The following PTPRG variants were observed in gnomAD, a reference collection of about 807,000 sequenced individuals.
PTPRG encodes receptor-type tyrosine-protein phosphatase gamma.
PTPRG carries 102 observed loss-of-function variants against 165.3 expected under a neutral mutation model. The ratio of observed to expected loss-of-function variants is 0.62; its 90% CI spans 0.53 to 0.73. The LOEUF is 0.73. PTPRG is among the 30% of genes least tolerant of loss of function. The pLI is 0.00. For missense variants in PTPRG, 1,866 were observed against 1,861.4 expected (o/e 1.00, Z -0.05); for synonymous variants, 675 against 669.5 (o/e 1.01, Z -0.13).
intron 15 of PTPRG, among the ~76,000 whole-genome samples, chr3:62,250,519 C>T (rs1293810703): frequency 1.3e-5 from 2 of 152,136 alleles, no homozygotes; most frequent in African/African-American, 4.8e-5. Flanking sequence ...GGCAAGAAAG[C>T]TGTTTCTCTT....
intron 2 of PTPRG, among the ~76,000 whole-genome samples, chr3:61,838,131 A>T (rs1487634786): frequency 6.6e-6 from 1 of 152,182 alleles, no homozygotes; most frequent in Non-Finnish European, 1.5e-5. Flanking sequence ...GAGATTTCAG[A>T]TGGTGAATGG....
intron 2 of PTPRG, among the ~76,000 whole-genome samples, chr3:61,881,955 A>AAC: frequency 6.6e-6 from 1 of 152,208 alleles, no homozygotes; most frequent in East Asian, 1.9e-4. Flanking sequence ...TCATGTATAT[A>AAC]ACTAGACCCG....
rs1053500110 is a variant in PTPRG, at chr3:61,972,746, G to A, written c.191-16879G>A. On this transcript the variant is annotated intron_variant, in intron 2 of 29. Transcript: ENST00000474889. Reference sequence around the variant, plus strand: ...TGGCTTACTGCAGCCTTGATCTCCCGGGCTCAAGTGATACTCACACCTTAG... The same window carrying A: ...TGGCTTACTGCAGCCTTGATCTCCCAGGCTCAAGTGATACTCACACCTTAG... Among the ~76,000 whole-genome samples the A allele has an allele frequency of 8.0e-5, 12 of 150,494 alleles. No homozygotes were observed. In the South Asian group the frequency reaches 1.3e-3, roughly 16 times the overall value.
intron 1 of PTPRG, among the ~76,000 whole-genome samples, chr3:61,678,630 C>T (rs887689048): frequency 6.6e-6 from 1 of 152,124 alleles, no homozygotes; most frequent in Non-Finnish European, 1.5e-5. Context: ...GAGAGATCAA[C>T]GTGAATTTCC....
rs2040835428 is a variant in PTPRG at position 61,989,610 on chromosome 3, G to T, written c.191-15G>T. On this transcript the variant is annotated splice_polypyrimidine_tract_variant and intron_variant, in intron 2 of 29. Transcript: ENST00000474889. ...CTTGAACCATGAGGATTGAAGTGTT[G>T]TCTTCTTTCAACAGGTGCCTATGGT... is the stretch of plus-strand genomic sequence containing the variant. 3.1e-6 allele frequency: 5 copies of T among 1,609,826 alleles called. No individual in the cohort carries two copies. The Middle Eastern group carries it at 5.0e-4, about 160-fold the overall frequency.
chr3:61,963,084 T>C (rs1393008091), intron 2 of PTPRG, among the ~76,000 whole-genome samples: 2 of 152,312 alleles, frequency 1.3e-5, no homozygotes, highest in East Asian at 1.9e-4. Context: ...AGGGTTTCTT[T>C]ATGCAAATAT....
At chr3:61,927,808 C>T (rs977799631) in intron 2 of PTPRG, among the ~76,000 whole-genome samples, 16 of 152,130 alleles carry the variant, frequency 1.1e-4, no homozygotes, top group Non-Finnish European at 1.5e-5. Flanking sequence ...CTTCTTTATG[C>T]AGCAGTCATT....
chr3:61,870,334 G>A (rs1422211300), intron 2 of PTPRG, among the ~76,000 whole-genome samples: 1 of 122,426 alleles, frequency 8.2e-6, no homozygotes, highest in East Asian at 2.1e-4. Flanking sequence ...TTTTTTTTTG[G>A]AGACGGAGTC....
In PTPRG at chr3:61,595,559, A is replaced by C. The variant is rs534459884; in HGVS notation, c.85+33187A>C. On this transcript the variant is annotated intron_variant, in intron 1 of 29. Transcript: ENST00000474889. ...TAGAGAATTTCATTTTGGTAACTTT[A>C]GTAGTTTGGCCCTAGGCCTTGACCC... Among the ~76,000 whole-genome samples the C allele has an allele frequency of 7.2e-5, 11 of 152,314 alleles. No homozygotes were observed. The South Asian group carries it at 2.3e-3, about 32-fold the overall frequency.
At chr3:61,681,872 G>A (rs1418125734) in intron 1 of PTPRG, among the ~76,000 whole-genome samples, 4 of 152,054 alleles carry the variant, frequency 2.6e-5, no homozygotes, top group East Asian at 3.8e-4. Flanking sequence ...ACTAGTGGCC[G>A]GGCGCAGTGG....
At chr3:62,007,928 G>A (rs940869182) in intron 4 of PTPRG, among the ~76,000 whole-genome samples, 2 of 152,174 alleles carry the variant, frequency 1.3e-5, no homozygotes, top group Admixed American at 6.5e-5. Flanking sequence ...CTGTAAATAC[G>A]TTACTTTATG....
At chr3:61,848,340 A>G (rs2036864853) in intron 2 of PTPRG, among the ~76,000 whole-genome samples, 1 of 152,190 alleles carries the variant, frequency 6.6e-6, no homozygotes, top group South Asian at 2.1e-4. Context: ...CAGGCTCTGT[A>G]TGATCTTTGG....
intron 1 of PTPRG, among the ~76,000 whole-genome samples, chr3:61,626,159 C>T (rs1701603645): frequency 6.6e-6 from 1 of 152,054 alleles, no homozygotes; most frequent in African/African-American, 2.4e-5. Flanking sequence ...TTGATGGCAT[C>T]TCTTATTGCT....
At chr3:62,116,256 G>A (rs894312731) in intron 5 of PTPRG, among the ~76,000 whole-genome samples, 3 of 152,088 alleles carry the variant, frequency 2.0e-5, no homozygotes, top group Non-Finnish European at 4.4e-5. Context: ...TATCAGGTAG[G>A]CCTTTTAGTA....
intron 5 of PTPRG, among the ~76,000 whole-genome samples, chr3:62,110,218 A>G (rs1485853502): frequency 6.7e-6 from 1 of 150,258 alleles, no homozygotes; most frequent in East Asian, 2.0e-4. Flanking sequence ...TCCCTGCTCA[A>G]ATTACTGACG....
intron 2 of PTPRG, among the ~76,000 whole-genome samples, chr3:61,889,218 T>C (rs1015808049): frequency 1.3e-5 from 2 of 152,236 alleles, no homozygotes; most frequent in Non-Finnish European, 2.9e-5. Flanking sequence ...GTGATTTCTA[T>C]ATATGTATTT....
intron 4 of PTPRG, among the ~76,000 whole-genome samples, chr3:62,008,355 G>A (rs1311270750): frequency 1.3e-5 from 2 of 152,196 alleles, no homozygotes; most frequent in African/African-American, 2.4e-5. Flanking sequence ...TGTTGATTCA[G>A]ACTTACTGGT....
At chr3:62,292,355 A>T (rs746559613) in intron 28 of PTPRG, 66 bp from the exon 29 acceptor site, 11 of 1,434,250 alleles carry the variant, frequency 7.7e-6, no homozygotes, top group African/African-American at 1.4e-5. Flanking sequence ...CATGACAGTA[A>T]TTTCATTTCA....
intron 2 of PTPRG, among the ~76,000 whole-genome samples, chr3:61,786,175 G>C (rs777785914): frequency 6.6e-6 from 1 of 152,168 alleles, no homozygotes; most frequent in Non-Finnish European, 1.5e-5. Context: ...GGGTAGAGTA[G>C]GTAGTGTCAG....
Sources: gnomAD v4.1 joint callset for allele counts (sites outside exome capture counted in the v4.1 genomes callset) on GRCh38, gnomAD v4.1.1 for gene constraint, MANE v1.5 for transcripts, NCBI Gene and HGNC (gene_info 2026-07-23, HGNC 2026-07-21) for gene names.